The following GRM5 variants were observed in gnomAD, a reference collection of about 807,000 sequenced individuals.
GRM5 encodes glutamate metabotropic receptor 5, also known as metabotropic glutamate receptor 5.
In GRM5, 19 loss-of-function variants were observed where a neutral mutation model predicts 83.1. The observed-to-expected ratio is 0.23, with a 90% CI of 0.16 to 0.34. The LOEUF (loss-of-function observed/expected upper bound fraction) is 0.34, where lower values mean the gene tolerates loss of function less well. GRM5 is among the 10% of genes least tolerant of loss of function. GRM5 has a pLI of 1.00. For missense variants in GRM5, 1,160 were observed against 1,588.3 expected (o/e 0.73, Z 4.58); for synonymous variants, 675 against 633.6 (o/e 1.07, Z -0.98).
rs1938099344 is a variant in GRM5 at position 88,604,942 on chromosome 11, A to G, written c.1170T>C (p.His390=). The G allele has an allele frequency of 6.2e-7, 1 of 1,612,886 alleles. No homozygotes were observed. Among genetic ancestry groups the G allele is most frequent in the Non-Finnish European group, 8.5e-7 (1 of 1,178,988 alleles). ...TCNSSLTLKT[H]HVQDSKMGFV... is the part of the protein sequence containing the mutation. ...ATCCCATTTTGGAATCCTGAACATG[A>G]TGTGTTTTCAGAGTCAGAGAACCTG... is the stretch of plus-strand genomic sequence containing the variant. Residue 390 remains histidine (H), a synonymous_variant, in exon 5 of 10, where the codon CAT becomes CAC. Transcript: ENST00000305447.
intron 2 of GRM5, among the ~76,000 whole-genome samples, chr11:89,003,577 A>G (rs1248190843): frequency 1.3e-5 from 2 of 152,324 alleles, no homozygotes; most frequent in Admixed American, 1.3e-4. Flanking sequence ...CAAGTCTTAA[A>G]AGATTAATGG....
At chr11:88,727,765 C>G (rs1289769878) in intron 3 of GRM5, among the ~76,000 whole-genome samples, 2 of 152,152 alleles carry the variant, frequency 1.3e-5, no homozygotes, top group African/African-American at 4.8e-5. Context: ...ACTGAACAAC[C>G]TGCTCCTGAA....
At chr11:88,649,467 A>G (rs1939573329) in intron 4 of GRM5, among the ~76,000 whole-genome samples, 1 of 144,288 alleles carries the variant, frequency 6.9e-6, no homozygotes, top group African/African-American at 2.5e-5. Context: ...TATTACATAT[A>G]TACTATATAT....
chr11:88,639,099 G>C (rs1051316309), intron 4 of GRM5, among the ~76,000 whole-genome samples: 1 of 152,084 alleles, frequency 6.6e-6, no homozygotes, highest in Non-Finnish European at 1.5e-5. Context: ...TTTAATGCTA[G>C]AATATGTCCT....
intron 2 of GRM5, among the ~76,000 whole-genome samples, chr11:88,891,460 CT>C (rs1277596836): frequency 2.6e-5 from 4 of 151,886 alleles, no homozygotes; most frequent in African/African-American, 9.7e-5. Flanking sequence ...CAGGGGGCCC[CT>C]GAAACATTCA....
intron 2 of GRM5, among the ~76,000 whole-genome samples, chr11:88,929,654 T>C (rs1171888471): frequency 6.6e-6 from 1 of 152,176 alleles, no homozygotes; most frequent in African/African-American, 2.4e-5. Context: ...CTTAAGTTTA[T>C]GTTTGTCAAT....
chr11:89,023,935 T>C (rs924587521), intron 2 of GRM5, among the ~76,000 whole-genome samples: 13 of 150,778 alleles, frequency 8.6e-5, no homozygotes, highest in African/African-American at 3.2e-4. Flanking sequence ...ATTAAAGTTG[T>C]CCATCAGAGG....
chr11:88,779,712 C>A (rs191398380), intron 3 of GRM5, among the ~76,000 whole-genome samples: 1,787 of 152,242 alleles, frequency 0.012, 23 homozygotes, highest in South Asian at 0.059. Context: ...TATATTGCAG[C>A]TAAAATTTTT....
At chr11:88,528,185 T>G (rs2135112911) in intron 8 of GRM5, among the ~76,000 whole-genome samples, 1 of 152,148 alleles carries the variant, frequency 6.6e-6, no homozygotes, top group East Asian at 1.9e-4. Context: ...TAATGAAAAT[T>G]CAAAACAATA....
intron 2 of GRM5, among the ~76,000 whole-genome samples, chr11:88,899,887 T>G (rs947218912): frequency 6.6e-6 from 1 of 152,242 alleles, no homozygotes; most frequent in South Asian, 2.1e-4. Context: ...AGTTCCACAA[T>G]ATATTTTTGT....
At position 88,567,519 on chromosome 11, in the gene GRM5, C is replaced by T. The variant is rs1591354037; in HGVS notation, c.2164G>A (p.Asp722Asn). Reference protein sequence around the residue: ...FIMEPPDIMHDYPSIREVYLI... With the variant: ...FIMEPPDIMHNYPSIREVYLI... ...TAGACTTCTCGAATGCTTGGGTAGT[C>T]ATGCATTATGTCAGGAGGCTCCATT... The change falls in exon 8 of 10, where the codon GAC becomes AAC. Residue 722 changes from aspartate (D) to asparagine (N), a missense_variant. By Grantham distance (23) the Asp-to-Asn change is conservative. Around this residue, in one of 9 missense-constraint regions of GRM5, gnomAD observed 44 missense variants for 41.0 expected, o/e 1.07. Coordinates refer to ENST00000305447, the MANE Select transcript of GRM5 (RefSeq NM_001143831.3). This position sits in a 1 kb window ranked among gnomAD's most constrained non-coding sequence, Gnocchi z 7.3. 1.9e-6 allele frequency: 3 copies of T among 1,613,948 alleles called. No individual in the cohort carries two copies. The highest frequency in any genetic ancestry group is 2.5e-6 in the Non-Finnish European group (3 of 1,179,842).
At chr11:88,736,729 C>CATGT (rs1276088379) in intron 3 of GRM5, among the ~76,000 whole-genome samples, 1 of 151,974 alleles carries the variant, frequency 6.6e-6, no homozygotes, top group African/African-American at 2.4e-5. Flanking sequence ...GATTCTCTGC[C>CATGT]ATGTAATCCC....
chr11:89,055,835 C>T (rs2135164206), intron 1 of GRM5, among the ~76,000 whole-genome samples: 1 of 152,086 alleles, frequency 6.6e-6, no homozygotes, highest in Middle Eastern at 3.4e-3. Flanking sequence ...GTGTTGTTCA[C>T]TTTGCTAAGT....
chr11:88,982,596 C>T (rs977736643), intron 2 of GRM5, among the ~76,000 whole-genome samples: 1 of 152,080 alleles, frequency 6.6e-6, no homozygotes, highest in Non-Finnish European at 1.5e-5. Context: ...CACATATATA[C>T]ATGCACCTGT....
chr11:89,009,222 G>A, intron 2 of GRM5: 1 of 563,552 alleles, frequency 1.8e-6, no homozygotes, highest in East Asian at 2.8e-5. Context: ...AGCATACCAA[G>A]ATGTAATGTC....
At chr11:88,926,986 A>G (rs1945801119) in intron 2 of GRM5, among the ~76,000 whole-genome samples, 1 of 152,176 alleles carries the variant, frequency 6.6e-6, no homozygotes. Context: ...ACATGTTTGA[A>G]CTATTCACAG....
chr11:88,599,447 C>T (rs1937914473), intron 5 of GRM5, among the ~76,000 whole-genome samples: 2 of 152,070 alleles, frequency 1.3e-5, no homozygotes, highest in Non-Finnish European at 2.9e-5. Context: ...GAAAATAGAA[C>T]ATTGCTTTAA....
intron 4 of GRM5, among the ~76,000 whole-genome samples, chr11:88,627,636 C>G (rs1189371570): frequency 6.6e-6 from 1 of 152,108 alleles, no homozygotes. Flanking sequence ...CCCTATTTCT[C>G]TACTTGCAAA....
chr11:88,921,629 A>T (rs1421239108), intron 2 of GRM5, among the ~76,000 whole-genome samples: 1 of 24,710 alleles, frequency 4.0e-5, no homozygotes, highest in Non-Finnish European at 9.4e-5. Context: ...GACTCCATTT[A>T]AAAAAAAAAA....
Sources: gnomAD v4.1 joint callset for allele counts (sites outside exome capture counted in the v4.1 genomes callset) on GRCh38, gnomAD v4.1.1 for gene constraint, gnomAD v4.1.1 regional missense constraint, Gnocchi (gnomAD v3.1) non-coding constraint, MANE v1.5 for transcripts, NCBI Gene and HGNC (gene_info 2026-07-23, HGNC 2026-07-21) for gene names.